Variants in SLIT1 observed in about 807,000 individuals in gnomAD.
SLIT1 encodes the protein slit guidance ligand 1, also known as slit homolog 1 protein.
Under a neutral mutation model 186.1 loss-of-function variants are expected in SLIT1, and 66 were observed. The ratio of observed to expected loss-of-function variants is 0.35; its 90% CI spans 0.29 to 0.44. The LOEUF (loss-of-function observed/expected upper bound fraction) is 0.44, where lower values mean the gene tolerates loss of function less well. SLIT1 is among the 20% of genes least tolerant of loss of function. The pLI, the probability that SLIT1 is intolerant of heterozygous loss-of-function variation, is 1.00. For synonymous variants in SLIT1, 761 were observed against 833.8 expected, an observed-to-expected ratio of 0.91 and a Z score of 1.50; for missense variants, 1,638 against 2,037.4, an observed-to-expected ratio of 0.80 and a Z score of 3.77.
intron 4 of SLIT1, among the ~76,000 whole-genome samples, chr10:97,112,137 C>T (rs55956365): frequency 3.0e-3 from 450 of 152,316 alleles, no homozygotes; most frequent in Non-Finnish European, 4.9e-3. Flanking sequence ...CCTTCGTCAC[C>T]TCTCTCTTGG....
chr10:97,181,162 G>A (rs1002652808), intron 1 of SLIT1, among the ~76,000 whole-genome samples: 11 of 152,194 alleles, frequency 7.2e-5, no homozygotes, highest in African/African-American at 2.4e-4. Flanking sequence ...CAATAAGCCA[G>A]TGGGCCAGTG....
intron 4 of SLIT1, among the ~76,000 whole-genome samples, chr10:97,110,296 G>T (rs896112553): frequency 1.3e-5 from 2 of 152,088 alleles, no homozygotes; most frequent in East Asian, 3.9e-4. Context: ...GTTGATGCAC[G>T]TGCCCATGAC....
At position 97,031,535 on chromosome 10, in the gene SLIT1, G is replaced by A. The variant is rs1848590552; in HGVS notation, c.2510+71C>T. 1.1e-5 allele frequency: 13 copies of A among 1,231,594 alleles called. No individual in the cohort carries two copies. The East Asian group carries it at 3.3e-4, about 31-fold the overall frequency. 76.3% of individuals were successfully genotyped at this position (1,231,594 alleles called of 1,614,324 possible). ...GGGCCCTAGACATGGGAACATTTCTGCCCACCAGGTGGGTGGCAGGACCCT... is the reference window on the plus strand; with the variant it reads ...GGGCCCTAGACATGGGAACATTTCTACCCACCAGGTGGGTGGCAGGACCCT... On this transcript the variant is annotated intron_variant, in intron 24 of 36. Coordinates refer to ENST00000266058, the MANE Select transcript of SLIT1 (RefSeq NM_003061.3).
rs1554854803 is a variant in SLIT1 at position 97,166,639 on chromosome 10, A to AGAAAAGAAAG, written c.198-1750_198-1749insCTTTCTTTTC. Among the ~76,000 whole-genome samples the AGAAAAGAAAG allele has an allele frequency of 8.0e-3, 1,146 of 143,348 alleles. 6 individuals are homozygous for AGAAAAGAAAG. Among genetic ancestry groups the AGAAAAGAAAG allele is most frequent in the Non-Finnish European group, 0.011 (689 of 64,234 alleles). The allele number at this position is 143,348 out of a possible 152,430, so 94.0% of individuals were successfully genotyped here. A position where few individuals can be genotyped will look rare whatever the true frequency, so the allele number is the denominator to read the frequency against. ...AGAAAGAAAGAGAAAAGAAAAGAAA[A>AGAAAAGAAAG]GAAAGGAAAGGAAAAGAAAAGAAAA... On this transcript the variant is annotated intron_variant, in intron 1 of 36. Coordinates refer to ENST00000266058, the MANE Select transcript of SLIT1 (RefSeq NM_003061.3).
chr10:97,142,757 C>T (rs1849779084), intron 4 of SLIT1, among the ~76,000 whole-genome samples: 1 of 152,050 alleles, frequency 6.6e-6, no homozygotes, highest in Admixed American at 6.5e-5. Context: ...CAAAGAACTG[C>T]TGCAACTTAA....
At chr10:97,032,955 C>T (rs1026261524) in intron 23 of SLIT1, among the ~76,000 whole-genome samples, 3 of 152,148 alleles carry the variant, frequency 2.0e-5, no homozygotes, top group African/African-American at 7.2e-5. Context: ...AACTAACCTA[C>T]AGTGACAGAA....
intron 3 of SLIT1, among the ~76,000 whole-genome samples, 153 bp downstream of exon 3, chr10:97,163,227 T>C (rs1186069506): frequency 6.6e-6 from 1 of 152,206 alleles, no homozygotes; most frequent in Non-Finnish European, 1.5e-5. Context: ...CTTTCACAGC[T>C]GCAGCTGCTC....
Position 97,009,905 on chromosome 10 carries a change from G to A in SLIT1, c.3341+1088C>T, listed in dbSNP as rs1428774188. Among the ~76,000 whole-genome samples, 4 of 152,208 alleles carry A rather than the reference G, an allele frequency of 2.6e-5. No individual in the cohort carries two copies. In the East Asian group the frequency reaches 5.8e-4, roughly 22 times the overall value. ...GATGCTCAACATTATTGGCCACTGA[G>A]GAAATGCAAATCAAAACCACAGTGA... On this transcript the variant is annotated intron_variant, in intron 31 of 36. Transcript: ENST00000266058.
intron 4 of SLIT1, among the ~76,000 whole-genome samples, chr10:97,072,350 G>A (rs1849008164): frequency 6.6e-6 from 1 of 152,152 alleles, no homozygotes; most frequent in African/African-American, 2.4e-5. Context: ...TTTTTGTAGA[G>A]ACAGGGTCTC....
chr10:97,038,575 C>G (rs1286461967), intron 21 of SLIT1, among the ~76,000 whole-genome samples: 3 of 152,182 alleles, frequency 2.0e-5, no homozygotes. Context: ...TCCCCCTCTT[C>G]CCTTCATTGT....
chr10:97,185,441 T>A (rs1315327802), intron 1 of SLIT1, 37 bp downstream of exon 1: 1 of 1,595,770 alleles, frequency 6.3e-7, no homozygotes, highest in Non-Finnish European at 8.5e-7. Flanking sequence ...GAGGGCAACC[T>A]CGGAGCCAGG....
chr10:97,070,886 A>G (rs1372343360), intron 4 of SLIT1, among the ~76,000 whole-genome samples: 1 of 152,166 alleles, frequency 6.6e-6, no homozygotes, highest in Non-Finnish European at 1.5e-5. Flanking sequence ...TGGCACAATC[A>G]TAGCACACTG....
chr10:97,070,493 A>G (rs1848992449), intron 4 of SLIT1, among the ~76,000 whole-genome samples: 1 of 152,210 alleles, frequency 6.6e-6, no homozygotes, highest in South Asian at 2.1e-4. Flanking sequence ...ACACATTGCT[A>G]TGGTCTGAAT....
chr10:97,014,651 G>A (rs1052941887), intron 28 of SLIT1, among the ~76,000 whole-genome samples: 1 of 152,194 alleles, frequency 6.6e-6, no homozygotes, highest in African/African-American at 2.4e-5. Flanking sequence ...TGGATCACCT[G>A]AGGTCAGGAG....
chr10:97,047,744 G>A lies in SLIT1; in HGVS notation c.1580C>T (p.Ser527Phe). The A allele has an allele frequency of 6.2e-7, 1 of 1,614,056 alleles. No individual in the cohort carries two copies. Among genetic ancestry groups the A allele is most frequent in the South Asian group, 1.1e-5 (1 of 91,086 alleles). ...AGGGATCTTGGTGAGCTTCAGGCTG[G>A]AGCACTCCACCACGTTGGCCTCACA... ...CRCEANVVEC[S>F]SLKLTKIPER... Residue 527 changes from serine to phenylalanine, a missense_variant, in exon 16 of 37, where the codon TCC (serine) becomes TTC (phenylalanine). Coordinates refer to ENST00000266058, the MANE Select transcript of SLIT1 (RefSeq NM_003061.3).
chr10:97,116,738 G>A (rs1849513539), intron 4 of SLIT1, among the ~76,000 whole-genome samples: 1 of 152,184 alleles, frequency 6.6e-6, no homozygotes, highest in East Asian at 1.9e-4. Context: ...GGGTGGGAGA[G>A]CCTGTCACCA....
intron 1 of SLIT1, among the ~76,000 whole-genome samples, chr10:97,173,654 G>A (rs1159404781): frequency 1.3e-5 from 2 of 152,184 alleles, no homozygotes; most frequent in Non-Finnish European, 1.5e-5. Flanking sequence ...CAGCGGTGAG[G>A]CAGAGGGCCT....
intron 4 of SLIT1, among the ~76,000 whole-genome samples, chr10:97,073,913 C>A (rs576127880): frequency 6.6e-6 from 1 of 152,254 alleles, no homozygotes; most frequent in East Asian, 1.9e-4. Context: ...CCAGACCCCT[C>A]CTGACATCCA....
intron 18 of SLIT1, among the ~76,000 whole-genome samples, chr10:97,045,505 C>A (rs1056385312): frequency 6.6e-6 from 1 of 152,216 alleles, no homozygotes; most frequent in African/African-American, 2.4e-5. Flanking sequence ...TTTATACCAA[C>A]AATTAACAGT....
Sources: gnomAD v4.1 joint callset for allele counts (sites outside exome capture counted in the v4.1 genomes callset) on GRCh38, gnomAD v4.1.1 for gene constraint, MANE v1.5 for transcripts, NCBI Gene and HGNC (gene_info 2026-07-23, HGNC 2026-07-21) for gene names.